PDCD2L: variants seen among roughly 807,000 people sequenced by gnomAD.
PDCD2L encodes the protein uS5 assembly chaperone PDCD2L.
A neutral mutation model predicts 40.4 loss-of-function variants in PDCD2L; 44 were observed. The observed-to-expected ratio is 1.09, with a 90% CI of 0.86 to 1.40. PDCD2L has a LOEUF of 1.40. Ranked by LOEUF, PDCD2L falls within the 40% of genes most tolerant of loss-of-function variation. The pLI is 0.00. For synonymous variants in PDCD2L, 194 were observed against 174.6 expected (o/e 1.11, Z -0.88); for missense variants, 470 against 453.7 (o/e 1.04, Z -0.33).
chr19:34,404,847 G>C, intron 2 of PDCD2L, 32 bp downstream of exon 2: 2 of 1,606,128 alleles, frequency 1.2e-6, no homozygotes, highest in Non-Finnish European at 1.7e-6. Flanking sequence ...CTGCTCCAGG[G>C]GTGTCCTTTC....
chr19:34,422,882 AT>A (rs964043486), intron 6 of PDCD2L, among the ~76,000 whole-genome samples: 21 of 150,776 alleles, frequency 1.4e-4, no homozygotes, highest in Admixed American at 1.3e-3. Context: ...AGCCCAGCTA[AT>A]TTTTTTTTGT....
intron 1 of PDCD2L, 30 bp downstream of exon 1, chr19:34,404,568 T>C: frequency 1.4e-5 from 22 of 1,570,968 alleles, no homozygotes; most frequent in Non-Finnish European, 1.8e-5. Flanking sequence ...CTGGGGTCGA[T>C]GGGTGCTGCT....
chr19:34,414,448 A>G (rs2075118094), intron 5 of PDCD2L, among the ~76,000 whole-genome samples: 1 of 136,792 alleles, frequency 7.3e-6, no homozygotes, highest in South Asian at 2.4e-4. Flanking sequence ...AAGTTCTGAG[A>G]TACAAGTGTG....
intron 4 of PDCD2L, among the ~76,000 whole-genome samples, chr19:34,409,884 A>G (rs1042854077): frequency 2.6e-5 from 4 of 152,206 alleles, no homozygotes; most frequent in Non-Finnish European, 4.4e-5. Flanking sequence ...AAAGGAAAAG[A>G]AAAACGCCAT....
At chr19:34,415,157 G>T (rs912154350) in intron 5 of PDCD2L, among the ~76,000 whole-genome samples, 1 of 151,860 alleles carries the variant, frequency 6.6e-6, no homozygotes, top group Non-Finnish European at 1.5e-5. Flanking sequence ...GTCTCGCCCT[G>T]CCACCCAGGC....
At chr19:34,416,212 T>C (rs540754597) in intron 5 of PDCD2L, among the ~76,000 whole-genome samples, 7 of 152,116 alleles carry the variant, frequency 4.6e-5, no homozygotes, top group African/African-American at 1.4e-4. Context: ...TGAGCCACCA[T>C]GCCCGGCCTA....
chr19:34,404,843 CA>C lies in PDCD2L; in HGVS notation c.275+29del, dbSNP rs760040299. On this transcript the variant is annotated intron_variant, in intron 2 of 6. Transcript: ENST00000246535. Reference sequence around the variant, plus strand: ...AGGCGGGGAAGTCCCAGAGCTGCTCCAGGGGTGTCCTTTCCAGCGGGCTGGG... The same window carrying C: ...AGGCGGGGAAGTCCCAGAGCTGCTCCGGGGTGTCCTTTCCAGCGGGCTGGG... 5 of 1,605,126 alleles carry C rather than the reference CA, an allele frequency of 3.1e-6. No individual in the cohort carries two copies. In the South Asian group the frequency reaches 5.5e-5, roughly 18 times the overall value.
chr19:34,425,995 T>C lies in PDCD2L; in HGVS notation c.952T>C (p.Ser318Pro), dbSNP rs1424578918. Residue 318 changes from serine (S) to proline (P), a missense_variant, in exon 7 of 7, where the codon TCT becomes CCT. Transcript: ENST00000246535. ...SMLKSANLGL[S>P]VEFGTILVYT... ...GAATATGTGGTATTTTTCAGGTCTT[T>C]CTGTGGAATTTGGAACAATTCTAGT... 6.2e-7 allele frequency: 1 copy of C among 1,611,592 alleles called. No individual in the cohort carries two copies. The highest frequency in any genetic ancestry group is 8.5e-7 in the Non-Finnish European group (1 of 1,179,130).
intron 4 of PDCD2L, among the ~76,000 whole-genome samples, chr19:34,411,963 C>CATATATAT (rs74177146): frequency 0.073 from 10,035 of 137,354 alleles, 388 homozygotes; most frequent in Non-Finnish European, 0.087. Flanking sequence ...ATGAAAAATA[C>CATATATAT]ATATATATAT....
chr19:34,404,656 T>G lies in PDCD2L; in HGVS notation c.116T>G (p.Leu39Arg), dbSNP rs2075063699. The part of the protein sequence containing the change: ...ASKLGGIPDA[L>R]PTVAAPRPVC... ...CCTCCTCTGTCCCCTCAGGATGCTC[T>G]GCCCACCGTGGCTGCGCCCAGGCCC... The change falls in exon 2 of 7, where the codon CTG becomes CGG. Residue 39 changes from leucine to arginine, a missense_variant. Physicochemically the swap from Leu to Arg is moderately radical, Grantham distance 102. Coordinates refer to ENST00000246535, the MANE Select transcript of PDCD2L (RefSeq NM_032346.2). 1 of 1,610,872 alleles carries G rather than the reference T, an allele frequency of 6.2e-7. No homozygotes were observed. The highest frequency in any genetic ancestry group is 8.5e-7 in the Non-Finnish European group (1 of 1,179,584).
intron 3 of PDCD2L, among the ~76,000 whole-genome samples, chr19:34,407,005 T>A (rs1599868839): frequency 6.6e-6 from 1 of 151,586 alleles, no homozygotes; most frequent in East Asian, 2.0e-4. Context: ...CCCAGCTAAT[T>A]TTTATATTTT....
intron 5 of PDCD2L, among the ~76,000 whole-genome samples, chr19:34,414,512 G>T (rs2075118676): frequency 1.6e-5 from 2 of 128,794 alleles, no homozygotes; most frequent in Non-Finnish European, 3.2e-5. Context: ...TGGGGGCAGG[G>T]TCTTGCTCTG....
intron 2 of PDCD2L, 51 bp from the exon 3 acceptor site, chr19:34,404,879 C>A (rs1235485257): frequency 6.8e-6 from 11 of 1,610,700 alleles, no homozygotes; most frequent in Non-Finnish European, 9.3e-6. Context: ...GGCGGGCCGG[C>A]GGGCTGGAGT....
chr19:34,411,153 A>T (rs1360808503), intron 4 of PDCD2L, among the ~76,000 whole-genome samples: 1 of 132,498 alleles, frequency 7.5e-6, no homozygotes, highest in Non-Finnish European at 1.6e-5. Context: ...TTCAGACTAG[A>T]GTATTCTTCT....
At chr19:34,408,742 G>A (rs2075088380) in intron 3 of PDCD2L, among the ~76,000 whole-genome samples, 1 of 152,194 alleles carries the variant, frequency 6.6e-6, no homozygotes, top group Admixed American at 6.6e-5. Context: ...CTTTTGCTAT[G>A]TGGTCTTTCT....
intron 6 of PDCD2L, among the ~76,000 whole-genome samples, chr19:34,424,260 T>G (rs1212706666): frequency 1.3e-5 from 2 of 149,716 alleles, no homozygotes; most frequent in Non-Finnish European, 2.9e-5. Context: ...GGTGGTCTGA[T>G]TTTTTCCCCC....
At chr19:34,425,889 A>T in intron 6 of PDCD2L, 101 bp from the exon 7 acceptor site, 1 of 1,223,576 alleles carries the variant, frequency 8.2e-7, no homozygotes, top group Admixed American at 2.3e-5. Flanking sequence ...TTTTTGCTTT[A>T]CCTAATTACT....
intron 6 of PDCD2L, chr19:34,421,885 C>G (rs181869674): frequency 2.6e-6 from 1 of 386,972 alleles, no homozygotes; most frequent in Non-Finnish European, 4.6e-6. Flanking sequence ...GTCAGGAGAT[C>G]GAGGCCATCC....
chr19:34,404,470 G>T lies in PDCD2L; in HGVS notation c.40G>T (p.Asp14Tyr), dbSNP rs1322738742. The change falls in exon 1 of 7, where the codon GAT (aspartate) becomes TAT (tyrosine). Residue 14 changes from aspartate to tyrosine, a missense_variant. Coordinates refer to ENST00000246535, the MANE Select transcript of PDCD2L (RefSeq NM_032346.2). Reference protein sequence around the residue: ...VLKPVLLGLRDAPVHGSPTGP... With the variant: ...VLKPVLLGLRYAPVHGSPTGP... ...GAAGCCGGTGCTGCTGGGCCTTCGA[G>T]ATGCGCCGGTGCACGGCAGCCCCAC... 1 of 1,544,710 alleles carries T rather than the reference G, an allele frequency of 6.5e-7. No homozygotes were observed. The highest frequency in any genetic ancestry group is 1.2e-5 in the South Asian group (1 of 83,946).
Sources: gnomAD v4.1 joint callset for allele counts (sites outside exome capture counted in the v4.1 genomes callset) on GRCh38, gnomAD v4.1.1 for gene constraint, MANE v1.5 for transcripts, NCBI Gene and HGNC (gene_info 2026-07-23, HGNC 2026-07-21) for gene names.